The following MYO5A variants were observed in gnomAD, a reference collection of about 807,000 sequenced individuals.
MYO5A encodes the protein myosin VA.
Under a neutral mutation model 249.7 loss-of-function variants are expected in MYO5A, and 98 were observed. The ratio of observed to expected loss-of-function variants is 0.39; its 90% CI spans 0.33 to 0.46. The LOEUF (loss-of-function observed/expected upper bound fraction) is 0.46. Ranked by LOEUF, MYO5A falls within the 20% of genes least tolerant of loss-of-function variation. The pLI, the probability that MYO5A is intolerant of heterozygous loss-of-function variation, is 0.98. For synonymous variants in MYO5A, 778 were observed against 810.6 expected (o/e 0.96, Z 0.68); for missense variants, 1,696 against 2,308.8 (o/e 0.73, Z 5.44).
intron 5 of MYO5A, among the ~76,000 whole-genome samples, chr15:52,414,586 G>A (rs1329473416): frequency 1.3e-5 from 2 of 151,998 alleles, no homozygotes; most frequent in African/African-American, 4.8e-5. Flanking sequence ...GTATTATATG[G>A]TCCAGGCCCG....
intron 1 of MYO5A, among the ~76,000 whole-genome samples, chr15:52,486,046 T>C (rs922698010): frequency 6.6e-6 from 1 of 152,250 alleles, no homozygotes. Flanking sequence ...TTTTATGAAC[T>C]GTTTAAATCA....
At position 52,308,620 on chromosome 15, in the gene MYO5A, CTG is replaced by C. The variant is rs1210213635; in HGVS notation, c.*5074_*5075del. On this transcript the variant is annotated 3_prime_UTR_variant, in exon 42 of 42. Transcript: ENST00000399233. ...AGCTGGCCTCTCACTGGCTCTGAGA[CTG>C]TTGCTGCCCCACAGTTCTAATTCCC... is the stretch of plus-strand genomic sequence containing the variant. 1 of 152,464 alleles carries C rather than the reference CTG, an allele frequency of 6.6e-6. No homozygotes were observed. Among genetic ancestry groups the C allele is most frequent in the African/African-American group, 2.4e-5 (1 of 41,456 alleles). 9.4% of individuals were successfully genotyped at this position (152,464 alleles called of 1,614,324 possible). A position where few individuals can be genotyped will look rare whatever the true frequency, so the allele number is the denominator to read the frequency against.
intron 39 of MYO5A, 67 bp from the exon 40 acceptor site, chr15:52,317,289 T>G: frequency 6.7e-7 from 1 of 1,487,322 alleles, no homozygotes; most frequent in Non-Finnish European, 9.3e-7. Flanking sequence ...CTTAATTTTT[T>G]TGTGTGCGGC....
In MYO5A at chr15:52,351,318, C is replaced by T. The variant is rs754788532; in HGVS notation, c.3785G>A (p.Arg1262His). Residue 1262 changes from arginine (R) to histidine (H), a missense_variant, in exon 28 of 42, where the codon CGC becomes CAC. By Grantham distance (29) the Arg-to-His change is conservative (BLOSUM62 0). Around this residue, in one of 5 missense-constraint regions of MYO5A, gnomAD observed 625 missense variants for 908.1 expected, o/e 0.69. Coordinates refer to ENST00000399233, the MANE Select transcript of MYO5A (RefSeq NM_001382347.1). ...LTSVSEELDV[R>H]KEEVLILRSQ... is the part of the protein sequence containing the mutation. ...CCTTAAGATGAGGACTTCCTCCTTG[C>T]GGACATCAAGCTCCTCGCTCACAGA... is the stretch of plus-strand genomic sequence containing the variant. 2.5e-6 allele frequency: 4 copies of T among 1,614,148 alleles called. No homozygotes were observed. The highest frequency in any genetic ancestry group is 1.3e-5 in the African/African-American group (1 of 75,042).
intron 1 of MYO5A, among the ~76,000 whole-genome samples, chr15:52,452,126 C>A (rs901972463): frequency 2.0e-5 from 3 of 151,968 alleles, no homozygotes; most frequent in African/African-American, 7.3e-5. Flanking sequence ...TTCACCACCC[C>A]CTCCCCCCAC....
intron 4 of MYO5A, among the ~76,000 whole-genome samples, chr15:52,425,598 A>T (rs2075378143): frequency 1.3e-5 from 2 of 152,122 alleles, no homozygotes; most frequent in Non-Finnish European, 2.9e-5. Context: ...GACCTCAGGT[A>T]ATTCGCCCAC....
intron 1 of MYO5A, among the ~76,000 whole-genome samples, chr15:52,527,469 TCAGA>T (rs1358179075): frequency 6.6e-6 from 1 of 152,216 alleles, no homozygotes; most frequent in Non-Finnish European, 1.5e-5. Flanking sequence ...GAAAGAGGTC[TCAGA>T]CAATGTTTCA....
intron 20 of MYO5A, among the ~76,000 whole-genome samples, chr15:52,373,231 T>C (rs1197833448): frequency 2.0e-5 from 3 of 152,186 alleles, no homozygotes; most frequent in African/African-American, 4.8e-5. Flanking sequence ...TTAGATGAAT[T>C]TGTTGTCGCT....
intron 30 of MYO5A, among the ~76,000 whole-genome samples, chr15:52,345,921 T>C (rs1245300417): frequency 2.6e-5 from 4 of 152,172 alleles, no homozygotes; most frequent in Non-Finnish European, 4.4e-5. Context: ...TAGAGTTACA[T>C]GGCCAACACT....
chr15:52,333,025 T>C (rs28669685), intron 34 of MYO5A, among the ~76,000 whole-genome samples: 13,577 of 152,224 alleles, frequency 0.089, 1,873 homozygotes, highest in African/African-American at 0.3. Context: ...CCTTCTGCCA[T>C]GTAAGAACAC....
At chr15:52,410,250 A>C (rs1477059356) in intron 6 of MYO5A, 83 bp downstream of exon 6, 2 of 1,443,194 alleles carry the variant, frequency 1.4e-6, no homozygotes, top group Non-Finnish European at 1.9e-6. Flanking sequence ...AGTATCTTGA[A>C]ATAAAATGCA....
intron 1 of MYO5A, among the ~76,000 whole-genome samples, chr15:52,522,262 C>T (rs546159363): frequency 8.6e-5 from 13 of 152,040 alleles, no homozygotes; most frequent in Non-Finnish European, 1.8e-4. Context: ...TTGTTTGTGG[C>T]GGTGGTTACA....
At chr15:52,383,052 G>T in intron 16 of MYO5A, 39 bp downstream of exon 16, 1 of 1,504,216 alleles carries the variant, frequency 6.6e-7, no homozygotes, top group Non-Finnish European at 9.3e-7. Flanking sequence ...CTTCTTATAA[G>T]ATATGTACTT....
intron 19 of MYO5A, among the ~76,000 whole-genome samples, chr15:52,375,874 C>T (rs529849479): frequency 2.5e-4 from 38 of 152,318 alleles, no homozygotes; most frequent in African/African-American, 9.1e-4. Context: ...TATTCATCTA[C>T]CATATTTTTC....
chr15:52,407,267 G>T, intron 8 of MYO5A, 25 bp downstream of exon 8: 5 of 1,537,968 alleles, frequency 3.3e-6, no homozygotes, highest in Non-Finnish European at 4.5e-6. Flanking sequence ...TTCCTCTTAA[G>T]AGCTCAAGAA....
rs1432445031 is a variant in MYO5A at position 52,405,379 on chromosome 15, G to A, written c.961C>T (p.His321Tyr). The change falls in exon 9 of 42, where the codon CAT becomes TAT. Residue 321 changes from histidine to tyrosine, a missense_variant. By Grantham distance (83) the His-to-Tyr change is moderately conservative. Coordinates refer to ENST00000399233, the MANE Select transcript of MYO5A (RefSeq NM_001382347.1). Reference protein sequence around the residue: ...ACTLLGISESHQMGIFRILAG... With the variant: ...ACTLLGISESYQMGIFRILAG... ...AGTATTCGGAAAATTCCCATTTGAT[G>A]AGATTCACTAATTCCTGAAACAAGA... 6.2e-7 allele frequency: 1 copy of A among 1,610,058 alleles called. No homozygotes were observed. The highest frequency in any genetic ancestry group is 1.7e-5 in the Admixed American group (1 of 60,016).
At chr15:52,323,484 G>T (rs916037668) in intron 36 of MYO5A, 40 bp from the exon 37 acceptor site, 1 of 1,504,240 alleles carries the variant, frequency 6.6e-7, no homozygotes, top group Admixed American at 1.7e-5. Context: ...TTTTCCTTAG[G>T]GAAATAACAA....
intron 4 of MYO5A, among the ~76,000 whole-genome samples, chr15:52,419,032 C>T (rs1180974038): frequency 6.6e-6 from 1 of 152,228 alleles, no homozygotes; most frequent in Admixed American, 6.5e-5. Flanking sequence ...TCAATTACAT[C>T]TACGTCATCA....
chr15:52,484,461 A>C (rs2076777104), intron 1 of MYO5A, among the ~76,000 whole-genome samples: 1 of 152,190 alleles, frequency 6.6e-6, no homozygotes, highest in Admixed American at 6.5e-5. Context: ...CAGAAGATGA[A>C]ATCAACACTA....
Sources: gnomAD v4.1 joint callset for allele counts (sites outside exome capture counted in the v4.1 genomes callset) on GRCh38, gnomAD v4.1.1 for gene constraint, gnomAD v4.1.1 regional missense constraint, MANE v1.5 for transcripts, NCBI Gene and HGNC (gene_info 2026-07-23, HGNC 2026-07-21) for gene names.